Variants in SCIN observed in about 807,000 individuals in gnomAD.
The protein encoded by SCIN is adseverin.
A neutral mutation model predicts 91.8 loss-of-function variants in SCIN; 91 were observed. That is an observed-to-expected ratio of 0.99 (90% CI 0.84 to 1.18). The LOEUF (loss-of-function observed/expected upper bound fraction) is 1.18. Among genes scored for constraint, SCIN ranks in the 50% most tolerant of loss-of-function variants. The pLI is 0.00. For missense variants in SCIN, 1,087 were observed against 863.9 expected (o/e 1.26, Z -3.24); for synonymous variants, 367 against 312.6 (o/e 1.17, Z -1.84).
chr7:12,656,400 AATTT>A lies in SCIN; in HGVS notation c.*3694_*3697del, dbSNP rs1306237138. The A allele has an allele frequency of 1.3e-5, 2 of 152,184 alleles. No individual in the cohort carries two copies. The highest frequency in any genetic ancestry group is 2.1e-4 in the South Asian group (1 of 4,828). The allele number at this position is 152,184 out of a possible 1,614,324, so 9.4% of individuals were successfully genotyped here. ...TTTAAACCTAATTTATTTTAAACCT[AATTT>A]ATTTATTTTAAACCTAATTTATTTT... On this transcript the variant is annotated 3_prime_UTR_variant, in exon 16 of 16. Coordinates refer to ENST00000297029, the MANE Select transcript of SCIN (RefSeq NM_001112706.3).
chr7:12,649,625 C>A, intron 14 of SCIN, 81 bp downstream of exon 14: 4 of 894,152 alleles, frequency 4.5e-6, no homozygotes, highest in Non-Finnish European at 7.1e-6. Context: ...AATGGTAAGT[C>A]TAGATATAAA....
intron 4 of SCIN, among the ~76,000 whole-genome samples, chr7:12,622,392 TTCAAA>T (rs1410084736): frequency 1.3e-5 from 2 of 152,142 alleles, no homozygotes; most frequent in Non-Finnish European, 1.5e-5. Context: ...GTAATTTTGA[TTCAAA>T]TCTTTATTAT....
chr7:12,625,477 C>A (rs367952792), intron 6 of SCIN, among the ~76,000 whole-genome samples: 4 of 147,578 alleles, frequency 2.7e-5, no homozygotes, highest in East Asian at 4.0e-4. Context: ...GAGTGCAGCC[C>A]GCCACCACGC....
chr7:12,645,235 C>G (rs1046659502), intron 13 of SCIN, among the ~76,000 whole-genome samples: 1 of 151,950 alleles, frequency 6.6e-6, no homozygotes, highest in African/African-American at 2.4e-5. Flanking sequence ...AGGAGAATCT[C>G]TTGAACCCAG....
chr7:12,624,975 A>G (rs1408012815), intron 5 of SCIN, 35 bp from the exon 6 acceptor site: 2 of 1,544,184 alleles, frequency 1.3e-6, no homozygotes, highest in Non-Finnish European at 1.7e-6. Flanking sequence ...TATCATCCCC[A>G]AATGAAAACA....
chr7:12,649,453 T>C lies in SCIN; in HGVS notation c.1882-14T>C, dbSNP rs527248464. 4 of 1,570,630 alleles carry C rather than the reference T, an allele frequency of 2.5e-6. No individual in the cohort carries two copies. The highest frequency in any genetic ancestry group is 1.8e-5 in the Admixed American group (1 of 54,312). ...GCTTTACTTTTTGCTCATATAGCTT[T>C]TTATACCTTTCAGATTGAAGAGATT... On this transcript the variant is annotated splice_polypyrimidine_tract_variant and intron_variant, in intron 13 of 15. Transcript: ENST00000297029.
At chr7:12,647,905 A>G (rs1044821877) in intron 13 of SCIN, among the ~76,000 whole-genome samples, 1 of 152,154 alleles carries the variant, frequency 6.6e-6, no homozygotes, top group South Asian at 2.1e-4. Context: ...CAAGGACACA[A>G]AAAGGCCCTT....
rs1196267585 is a variant in SCIN, at chr7:12,655,508, G to A, written c.*2793G>A. 6.6e-6 allele frequency: 1 copy of A among 152,018 alleles called. No homozygotes were observed. The highest frequency in any genetic ancestry group is 1.5e-5 in the Non-Finnish European group (1 of 67,982). 9.4% of individuals were successfully genotyped at this position (152,018 alleles called of 1,614,324 possible). ...AATGACCAGTAAATAATGAAAAGATGTTCTAAGACACTCTTAATTAAATAA... is the reference window on the plus strand; with the variant it reads ...AATGACCAGTAAATAATGAAAAGATATTCTAAGACACTCTTAATTAAATAA... On this transcript the variant is annotated 3_prime_UTR_variant, in exon 16 of 16. Transcript: ENST00000297029.
At chr7:12,649,418 A>T (rs1302878885) in intron 13 of SCIN, 49 bp from the exon 14 acceptor site, 1 of 1,298,864 alleles carries the variant, frequency 7.7e-7, no homozygotes, top group South Asian at 1.4e-5. Flanking sequence ...TATGTATTAG[A>T]AAAATTACTG....
rs1366239359 is a variant in SCIN at position 12,649,504 on chromosome 7, T to A, written c.1919T>A (p.Leu640Ter). 1.2e-6 allele frequency: 2 copies of A among 1,603,546 alleles called. No individual in the cohort carries two copies. Among genetic ancestry groups the A allele is most frequent in the Admixed American group, 1.7e-5 (1 of 58,724 alleles). Reference protein sequence around the residue: ...EIPGEFTQDDLAEDDVMLLDA... With the variant: ...EIPGEFTQDD ...CCAGGAGAGTTCACCCAGGATGATT[T>A]AGCTGAAGATGATGTCATGTTACTA... is the stretch of plus-strand genomic sequence containing the variant. Residue 640 changes from leucine (L) to a stop codon, truncating the protein, a stop_gained, in exon 14 of 16, where the codon TTA becomes TAA. Coordinates refer to ENST00000297029, the MANE Select transcript of SCIN (RefSeq NM_001112706.3). LOFTEE classifies it high-confidence loss of function.
At chr7:12,643,882 A>T (rs570918273) in intron 11 of SCIN, among the ~76,000 whole-genome samples, 19 of 152,186 alleles carry the variant, frequency 1.2e-4, no homozygotes, top group Non-Finnish European at 2.5e-4. Flanking sequence ...CCAGTGACAT[A>T]GTAGCACAGT....
chr7:12,609,510 A>C (rs1783148455), intron 4 of SCIN, among the ~76,000 whole-genome samples: 1 of 152,148 alleles, frequency 6.6e-6, no homozygotes, highest in Admixed American at 6.5e-5. Context: ...GAGGAAAGCA[A>C]AAAACAAACA....
Position 12,652,908 on chromosome 7 carries a change from G to A in SCIN, c.*193G>A. ...CACTGGGGTCAGGATTTCGAGACCA[G>A]CCTGGCCAACATGGCGAAACCTCGC... On this transcript the variant is annotated 3_prime_UTR_variant, in exon 16 of 16. Coordinates refer to ENST00000297029, the MANE Select transcript of SCIN (RefSeq NM_001112706.3). 1 of 584,712 alleles carries A rather than the reference G, an allele frequency of 1.7e-6. No individual in the cohort carries two copies. The highest frequency in any genetic ancestry group is 2.2e-5 in the South Asian group (1 of 46,006). 36.2% of individuals were successfully genotyped at this position (584,712 alleles called of 1,614,324 possible).
intron 1 of SCIN, among the ~76,000 whole-genome samples, chr7:12,576,674 G>C (rs1411857813): frequency 6.6e-6 from 1 of 152,138 alleles, no homozygotes; most frequent in Non-Finnish European, 1.5e-5. Context: ...TTAAGAACCT[G>C]TGCTTCAGAG....
At position 12,654,347 on chromosome 7, in the gene SCIN, C is replaced by G. The variant is rs552172586; in HGVS notation, c.*1632C>G. 6.6e-6 allele frequency: 1 copy of G among 152,126 alleles called. No individual in the cohort carries two copies. Among genetic ancestry groups the G allele is most frequent in the Non-Finnish European group, 1.5e-5 (1 of 68,008 alleles). 9.4% of individuals were successfully genotyped at this position (152,126 alleles called of 1,614,324 possible). ...GCAGGCATGAGATTTCTCAGCCTTACTTCAACTTGATTATGACCATGTGAC... is the reference window on the plus strand; with the variant it reads ...GCAGGCATGAGATTTCTCAGCCTTAGTTCAACTTGATTATGACCATGTGAC... On this transcript the variant is annotated 3_prime_UTR_variant, in exon 16 of 16. Transcript: ENST00000297029.
At chr7:12,594,233 T>C (rs2115235723) in intron 3 of SCIN, among the ~76,000 whole-genome samples, 1 of 151,862 alleles carries the variant, frequency 6.6e-6, no homozygotes, top group Non-Finnish European at 1.5e-5. Context: ...TGGAGGATCA[T>C]GATGCTCTGG....
Position 12,578,909 on chromosome 7 carries a change from G to GTTTTTTTTTTTTTTTTGTTTTTTT in SCIN, c.354+706_354+707insTGTTTTTTTTTTTTTTTTTTTTTT. ...TAAGGCAGCCTTCAGTATAGGACAG[G>GTTTTTTTTTTTTTTTTGTTTTTTT]TTTTTTTTTTTTTTTGGCATCCTCC... On this transcript the variant is annotated intron_variant, in intron 2 of 15. Coordinates refer to ENST00000297029, the MANE Select transcript of SCIN (RefSeq NM_001112706.3). Among the ~76,000 whole-genome samples the GTTTTTTTTTTTTTTTTGTTTTTTT allele has an allele frequency of 3.5e-5, 3 of 85,898 alleles. 1 individual carries two copies. The highest frequency in any genetic ancestry group is 1.5e-4 in the African/African-American group (3 of 19,408). 56.4% of individuals were successfully genotyped at this position (85,898 alleles called of 152,430 possible). A position where few individuals can be genotyped will look rare whatever the true frequency, so the allele number is the denominator to read the frequency against.
Position 12,640,504 on chromosome 7 carries a change from C to CCAGAATTGTGGATATCG in SCIN, c.1580_1581insTATCGCAGAATTGTGGA (p.Glu527AspfsTer15), listed in dbSNP as rs1205315754. On this transcript the variant is annotated frameshift_variant, in exon 11 of 16. Coordinates refer to ENST00000297029, the MANE Select transcript of SCIN (RefSeq NM_001112706.3). LOFTEE classifies it high-confidence loss of function. ...GTCCGGAGAAACCTGGCATCTATCACCAGAATTGTGGAGGTAATGTCATGC... is the reference window on the plus strand; with the variant it reads ...GTCCGGAGAAACCTGGCATCTATCACCAGAATTGTGGATATCGCAGAATTGTGGAGGTAATGTCATGC... 1 of 1,610,522 alleles carries CCAGAATTGTGGATATCG rather than the reference C, an allele frequency of 6.2e-7. No individual in the cohort carries two copies. The highest frequency in any genetic ancestry group is 2.2e-5 in the East Asian group (1 of 44,652).
rs977629696 is a variant in SCIN at position 12,625,027 on chromosome 7, C to A, written c.777C>A (p.Gly259=). 6.4e-7 allele frequency: 1 copy of A among 1,564,782 alleles called. No individual in the cohort carries two copies. Among genetic ancestry groups the A allele is most frequent in the Non-Finnish European group, 8.7e-7 (1 of 1,153,238 alleles). ...AKLYMVSDAS[G]SMRVTVVAEE... ...TATATTAGGTTTCAGATGCAAGTGG[C>A]TCCATGAGAGTGACTGTGGTGGCAG... Residue 259 remains glycine (G), a synonymous_variant, in exon 6 of 16, where the codon GGC becomes GGA. Transcript: ENST00000297029.
Sources: gnomAD v4.1 joint callset for allele counts (sites outside exome capture counted in the v4.1 genomes callset) on GRCh38, gnomAD v4.1.1 for gene constraint, MANE v1.5 for transcripts, NCBI Gene and HGNC (gene_info 2026-07-23, HGNC 2026-07-21) for gene names.